CERS6: variants seen among roughly 807,000 people sequenced by gnomAD.
CERS6 encodes the protein ceramide synthase 6.
Under a neutral mutation model 56.8 loss-of-function variants are expected in CERS6, and 26 were observed. The ratio of observed to expected loss-of-function variants is 0.46; its 90% CI spans 0.34 to 0.63. The LOEUF (loss-of-function observed/expected upper bound fraction) is 0.63. Among genes scored for constraint, CERS6 ranks in the 30% least tolerant of loss-of-function variants. The probability of loss-of-function intolerance (pLI) is 0.01; values close to 1 mark genes in which losing one functional copy is unlikely to be tolerated. For synonymous variants in CERS6, 164 were observed against 173.3 expected (o/e 0.95, Z 0.42); for missense variants, 415 against 467.5 (o/e 0.89, Z 1.04).
intron 6 of CERS6, among the ~76,000 whole-genome samples, chr2:168,702,624 A>G (rs963140799): frequency 4.6e-5 from 7 of 152,342 alleles, no homozygotes; most frequent in South Asian, 4.1e-4. Context: ...CAGCGAACCA[A>G]TATTTTCCAG....
intron 2 of CERS6, among the ~76,000 whole-genome samples, chr2:168,559,907 C>T (rs1472580767): frequency 2.0e-5 from 3 of 151,294 alleles, no homozygotes; most frequent in South Asian, 2.1e-4. Flanking sequence ...ATGGAGGTCA[C>T]GTGGCTTAGT....
chr2:168,556,650 G>T (rs1166682184), intron 2 of CERS6, among the ~76,000 whole-genome samples: 1 of 152,032 alleles, frequency 6.6e-6, no homozygotes, highest in Non-Finnish European at 1.5e-5. Context: ...TATTTATTGA[G>T]TCTTGCTATA....
chr2:168,602,789 C>G (rs76428056), intron 3 of CERS6, among the ~76,000 whole-genome samples: 4,875 of 152,220 alleles, frequency 0.032, 239 homozygotes, highest in African/African-American at 0.11. Flanking sequence ...AGTAGCCACT[C>G]TTTGGTTCTT....
chr2:168,623,719 T>C (rs1285837708), intron 3 of CERS6, among the ~76,000 whole-genome samples: 1 of 152,220 alleles, frequency 6.6e-6, no homozygotes, highest in African/African-American at 2.4e-5. Context: ...TAAAATTTGA[T>C]ATTTATACAT....
intron 3 of CERS6, among the ~76,000 whole-genome samples, chr2:168,588,289 C>T (rs1242882183): frequency 6.6e-6 from 1 of 152,046 alleles, no homozygotes; most frequent in Non-Finnish European, 1.5e-5. Context: ...TTTAAGTGTA[C>T]AATTCAGTGG....
intron 1 of CERS6, among the ~76,000 whole-genome samples, chr2:168,471,437 ATG>A (rs1693976841): frequency 6.6e-6 from 1 of 152,244 alleles, no homozygotes; most frequent in Non-Finnish European, 1.5e-5. Context: ...TTTAAAAACT[ATG>A]TAATAGCATA....
At chr2:168,499,365 C>G (rs1446756362) in intron 1 of CERS6, among the ~76,000 whole-genome samples, 1 of 152,070 alleles carries the variant, frequency 6.6e-6, no homozygotes, top group Non-Finnish European at 1.5e-5. Flanking sequence ...TACAGACTTG[C>G]AATAATTAGT....
chr2:168,459,263 G>A (rs1429806512), intron 1 of CERS6, among the ~76,000 whole-genome samples: 1 of 152,242 alleles, frequency 6.6e-6, no homozygotes, highest in African/African-American at 2.4e-5. Flanking sequence ...CTAAAATCGT[G>A]AATTTGAATG....
intron 2 of CERS6, among the ~76,000 whole-genome samples, chr2:168,550,727 C>A (rs879153415): frequency 6.6e-6 from 1 of 152,210 alleles, no homozygotes; most frequent in Admixed American, 6.5e-5. Flanking sequence ...TGATGAAGGA[C>A]CTTCAAGTGC....
chr2:168,770,906 T>C lies in CERS6; in HGVS notation c.*1244T>C, dbSNP rs1423322339. The stretch of plus-strand genomic sequence containing the variant: ...GGCTGTTTCTGGAAAAATGAAAAAT[T>C]CTATTGGACAATGGCAATATCAACA... On this transcript the variant is annotated 3_prime_UTR_variant, in exon 10 of 10. Coordinates refer to ENST00000305747, the MANE Select transcript of CERS6 (RefSeq NM_203463.3). 3 of 152,168 alleles carry C rather than the reference T, an allele frequency of 2.0e-5. No individual in the cohort carries two copies. The highest frequency in any genetic ancestry group is 2.9e-5 in the Non-Finnish European group (2 of 68,030). The allele number at this position is 152,168 out of a possible 1,614,324, so 9.4% of individuals were successfully genotyped here.
chr2:168,652,619 T>TA (rs146289595), intron 4 of CERS6, among the ~76,000 whole-genome samples: 3,496 of 151,924 alleles, frequency 0.023, 131 homozygotes, highest in African/African-American at 0.077. Context: ...TGTTTTTTTT[T>TA]TAACCTTTCC....
At chr2:168,515,165 T>C (rs1294742739) in intron 1 of CERS6, among the ~76,000 whole-genome samples, 1 of 152,192 alleles carries the variant, frequency 6.6e-6, no homozygotes, top group East Asian at 1.9e-4. Context: ...ATGTAATTAT[T>C]TTACTGAATA....
chr2:168,512,217 G>C (rs971879853), intron 1 of CERS6, among the ~76,000 whole-genome samples: 1 of 152,176 alleles, frequency 6.6e-6, no homozygotes, highest in African/African-American at 2.4e-5. Flanking sequence ...TGGGCACAGA[G>C]TTTTCAGTTT....
At chr2:168,710,850 G>A (rs1687071055) in intron 6 of CERS6, among the ~76,000 whole-genome samples, 1 of 152,184 alleles carries the variant, frequency 6.6e-6, no homozygotes, top group African/African-American at 2.4e-5. Flanking sequence ...CCAGTGAGCT[G>A]AGAACTAGAT....
intron 4 of CERS6, among the ~76,000 whole-genome samples, chr2:168,653,177 C>G (rs1215443743): frequency 6.6e-6 from 1 of 152,112 alleles, no homozygotes; most frequent in African/African-American, 2.4e-5. Context: ...GTCTGCAGGT[C>G]CCTCCGAAGA....
chr2:168,529,845 TAA>T (rs1695134688), intron 1 of CERS6, among the ~76,000 whole-genome samples: 1 of 152,022 alleles, frequency 6.6e-6, no homozygotes, highest in Non-Finnish European at 1.5e-5. Context: ...ATAATGGAAT[TAA>T]AGGATTAATG....
chr2:168,758,788 A>T (rs921042371), intron 8 of CERS6, among the ~76,000 whole-genome samples: 1 of 152,204 alleles, frequency 6.6e-6, no homozygotes, highest in Non-Finnish European at 1.5e-5. Flanking sequence ...TTGGAGTAAG[A>T]TGCCAGTGAA....
chr2:168,704,570 C>G (rs1686886241), intron 6 of CERS6, among the ~76,000 whole-genome samples: 2 of 152,060 alleles, frequency 1.3e-5, no homozygotes, highest in African/African-American at 2.4e-5. Context: ...AAAGAGGCAC[C>G]CCTTCCACTC....
intron 4 of CERS6, among the ~76,000 whole-genome samples, chr2:168,665,759 C>G (rs1685741600): frequency 6.6e-6 from 1 of 152,146 alleles, no homozygotes; most frequent in Admixed American, 6.5e-5. Context: ...TAAACTCTCA[C>G]TGAAATAAAA....
Sources: allele counts gnomAD v4.1 joint callset (sites outside exome capture counted in the v4.1 genomes callset), GRCh38; gene constraint gnomAD v4.1.1; transcripts MANE v1.5; gene names NCBI Gene and HGNC (gene_info 2026-07-23, HGNC 2026-07-21).